Variants in SEPTIN2 observed in about 807,000 individuals in gnomAD.
SEPTIN2 encodes the protein septin 2.
Under a neutral mutation model 46.5 loss-of-function variants are expected in SEPTIN2, and 34 were observed. That is an observed-to-expected ratio of 0.73 (90% CI 0.56 to 0.97). The LOEUF is 0.97. SEPTIN2 is among the 50% of genes least tolerant of loss of function. The pLI, the probability that SEPTIN2 is intolerant of heterozygous loss-of-function variation, is 0.00. For missense variants in SEPTIN2, 347 were observed against 448.4 expected (o/e 0.77, Z 2.04); for synonymous variants, 175 against 153.4 (o/e 1.14, Z -1.04).
chr2:241,337,631 G>GT lies in SEPTIN2; in HGVS notation c.477-41dup, dbSNP rs774910000. On this transcript the variant is annotated intron_variant, in intron 6 of 12. Coordinates refer to ENST00000391971, the MANE Select transcript of SEPTIN2 (RefSeq NM_004404.5). ...AATTTGAGAGAGAAGAGTTTTGTAT[G>GT]TATTTTTTTTAAATAAGTGACAATT... 4 of 1,585,666 alleles carry GT rather than the reference G, an allele frequency of 2.5e-6. No homozygotes were observed. The East Asian group carries it at 9.0e-5, about 36-fold the overall frequency.
At chr2:241,333,933 C>T (rs770847665) in intron 3 of SEPTIN2, among the ~76,000 whole-genome samples, 1 of 151,792 alleles carries the variant, frequency 6.6e-6, no homozygotes, top group Non-Finnish European at 1.5e-5. Context: ...CTGCTGTAAT[C>T]TCTAACTCCT....
intron 3 of SEPTIN2, among the ~76,000 whole-genome samples, chr2:241,332,913 A>C (rs1477495252): frequency 6.6e-6 from 1 of 152,246 alleles, no homozygotes; most frequent in Non-Finnish European, 1.5e-5. Context: ...AGAATAAGCA[A>C]AGCTGATACA....
intron 5 of SEPTIN2, chr2:241,336,723 T>C (rs2080059097): frequency 1.2e-5 from 2 of 170,880 alleles, no homozygotes; most frequent in African/African-American, 4.8e-5. Flanking sequence ...GTTTCCCAGC[T>C]CAGATAAACC....
intron 8 of SEPTIN2, 94 bp downstream of exon 8, chr2:241,343,187 G>T (rs539653389): frequency 2.6e-6 from 2 of 754,952 alleles, no homozygotes; most frequent in Non-Finnish European, 4.6e-6. Flanking sequence ...GTTCAGTTAC[G>T]AGAGTATTTT....
intron 7 of SEPTIN2, among the ~76,000 whole-genome samples, chr2:241,339,051 T>A (rs1348721802): frequency 2.3e-5 from 3 of 131,878 alleles, no homozygotes; most frequent in South Asian, 2.1e-4. Flanking sequence ...ATATACATTT[T>A]TATATATTAT....
At chr2:241,342,102 G>C (rs1449511894) in intron 7 of SEPTIN2, among the ~76,000 whole-genome samples, 1 of 152,144 alleles carries the variant, frequency 6.6e-6, no homozygotes, top group African/African-American at 2.4e-5. Flanking sequence ...GCCTGGTGTT[G>C]ATGGAACTCT....
intron 4 of SEPTIN2, 91 bp downstream of exon 4, chr2:241,335,303 TTTG>T: frequency 6.4e-7 from 1 of 1,563,610 alleles, no homozygotes. Context: ...AGCTGTGTGT[TTTG>T]TTTGTTCTTG....
At chr2:241,343,156 T>C in intron 8 of SEPTIN2, 63 bp downstream of exon 8, 1 of 926,760 alleles carries the variant, frequency 1.1e-6, no homozygotes, top group Non-Finnish European at 1.7e-6. Flanking sequence ...CATGTTGAGG[T>C]GAGAGAGATT....
rs533157018 is a variant in SEPTIN2, at chr2:241,337,304, G to A, written c.342-78G>A. 77 of 1,213,884 alleles carry A rather than the reference G, an allele frequency of 6.3e-5. No homozygotes were observed. In the African/African-American group the frequency reaches 1.1e-3, roughly 18 times the overall value. The allele number at this position is 1,213,884 out of a possible 1,614,324, so 75.2% of individuals were successfully genotyped here. A position where few individuals can be genotyped will look rare whatever the true frequency, so the allele number is the denominator to read the frequency against. On this transcript the variant is annotated intron_variant, in intron 5 of 12. Transcript: ENST00000391971. ...TTAAATTATGTATATTTGGGCGGAG[G>A]CACTTGTTTTCCCTTTGAAGTCAGG... is the stretch of plus-strand genomic sequence containing the variant.
At chr2:241,317,212 T>G (rs566773930) in intron 1 of SEPTIN2, among the ~76,000 whole-genome samples, 14 of 152,196 alleles carry the variant, frequency 9.2e-5, no homozygotes, top group Non-Finnish European at 1.6e-4. Flanking sequence ...CATTAATGGG[T>G]TCTTTGCACC....
In SEPTIN2 at chr2:241,335,013, A is replaced by G. The variant is rs142833143; in HGVS notation, c.131-113A>G. On this transcript the variant is annotated intron_variant, in intron 3 of 12. Coordinates refer to ENST00000391971, the MANE Select transcript of SEPTIN2 (RefSeq NM_004404.5). ...TAGTAGTACTGTAGGTACTAAACACAGAATGATGTTTGTGAGGTACTTAGC... is the reference window on the plus strand; with the variant it reads ...TAGTAGTACTGTAGGTACTAAACACGGAATGATGTTTGTGAGGTACTTAGC... 9.9e-5 allele frequency: 68 copies of G among 685,900 alleles called. No individual in the cohort carries two copies. In the African/African-American group the frequency reaches 1.2e-3, roughly 12 times the overall value. 42.5% of individuals were successfully genotyped at this position (685,900 alleles called of 1,614,324 possible).
At chr2:241,350,905 G>A (rs993656879) in intron 12 of SEPTIN2, among the ~76,000 whole-genome samples, 1 of 152,142 alleles carries the variant, frequency 6.6e-6, no homozygotes, top group Non-Finnish European at 1.5e-5. Flanking sequence ...ACTTGCCAGA[G>A]GAAAAGCATG....
At chr2:241,323,546 C>T (rs748956619) in intron 1 of SEPTIN2, among the ~76,000 whole-genome samples, 1 of 152,226 alleles carries the variant, frequency 6.6e-6, no homozygotes, top group Non-Finnish European at 1.5e-5. Context: ...GCGTGAGCAT[C>T]ACGTCTGGCC....
chr2:241,322,906 A>G (rs1011630707), intron 1 of SEPTIN2, among the ~76,000 whole-genome samples: 1 of 152,188 alleles, frequency 6.6e-6, no homozygotes, highest in African/African-American at 2.4e-5. Context: ...ATCCGTGTGT[A>G]TCCCATTTGT....
At chr2:241,322,318 A>G (rs2077245385) in intron 1 of SEPTIN2, among the ~76,000 whole-genome samples, 1 of 152,098 alleles carries the variant, frequency 6.6e-6, no homozygotes. Context: ...AATTCCACAT[A>G]TCTCTGGCTG....
intron 7 of SEPTIN2, among the ~76,000 whole-genome samples, chr2:241,338,820 T>TTTATATATAATATATATTATATTTATA (rs1217663789): frequency 0.011 from 1,224 of 106,770 alleles, 23 homozygotes; most frequent in African/African-American, 0.034. Context: ...ATTTATATTA[T>TTTATATATAATATATATTATATTTATA]TTATATATAA....
At chr2:241,338,766 TTA>T (rs1207604635) in intron 7 of SEPTIN2, among the ~76,000 whole-genome samples, 2 of 113,088 alleles carry the variant, frequency 1.8e-5, no homozygotes, top group African/African-American at 3.8e-5. Context: ...TTTATATTGT[TTA>T]TATATATTAT....
chr2:241,332,139 G>A (rs1202420579), intron 3 of SEPTIN2, among the ~76,000 whole-genome samples: 1 of 149,666 alleles, frequency 6.7e-6, no homozygotes. Context: ...TTATGACTTT[G>A]TAGTAAGCAG....
intron 9 of SEPTIN2, among the ~76,000 whole-genome samples, chr2:241,344,716 A>G (rs1436336545): frequency 1.3e-5 from 2 of 151,848 alleles, no homozygotes; most frequent in African/African-American, 4.8e-5. Flanking sequence ...AAAATAATAA[A>G]TTAAATAAAT....
Sources: allele counts gnomAD v4.1 joint callset (sites outside exome capture counted in the v4.1 genomes callset), GRCh38; gene constraint gnomAD v4.1.1; transcripts MANE v1.5; gene names NCBI Gene and HGNC (gene_info 2026-07-23, HGNC 2026-07-21).